Variants in LYST observed in about 807,000 individuals in gnomAD.
LYST encodes the protein lysosomal-trafficking regulator.
In LYST, 192 loss-of-function variants were observed where a neutral mutation model predicts 413.6. That is an observed-to-expected ratio of 0.46 (90% confidence interval 0.41 to 0.52). The LOEUF is 0.52. LYST is among the 20% of genes least tolerant of loss of function. LYST has a pLI of 0.00. For missense variants in LYST, 3,815 were observed against 4,499.9 expected (o/e 0.85, Z 4.35); for synonymous variants, 1,525 against 1,567.3 (o/e 0.97, Z 0.64).
intron 31 of LYST, chr1:235,737,903 G>GCCGCTGCCGACGAGTCTGGATC: frequency 8.7e-7 from 1 of 1,146,834 alleles, no homozygotes; most frequent in African/African-American, 1.6e-5. Flanking sequence ...AGGTGCTGGA[G>GCCGCTGCCGACGAGTCTGGATC]CCGCTGCCGA....
chr1:235,714,860 G>A (rs1662698928), intron 42 of LYST, among the ~76,000 whole-genome samples: 1 of 152,188 alleles, frequency 6.6e-6, no homozygotes, highest in Non-Finnish European at 1.5e-5. Flanking sequence ...TACTGGATTT[G>A]AAATAAGTAT....
chr1:235,765,911 G>C (rs574945763), intron 21 of LYST, among the ~76,000 whole-genome samples, 168 bp downstream of exon 21: 1 of 152,004 alleles, frequency 6.6e-6, no homozygotes, highest in South Asian at 2.1e-4. Context: ...ACTCCTTGAG[G>C]ACAGAGGCCA....
At chr1:235,721,743 C>T (rs183258194) in intron 39 of LYST, among the ~76,000 whole-genome samples, 33 of 152,088 alleles carry the variant, frequency 2.2e-4, no homozygotes, top group African/African-American at 3.4e-4. Context: ...CTAAGGTCCA[C>T]GGAAGGGGAT....
intron 1 of LYST, among the ~76,000 whole-genome samples, chr1:235,864,412 G>C (rs1018077066): frequency 6.6e-5 from 10 of 152,020 alleles, no homozygotes; most frequent in African/African-American, 2.2e-4. Context: ...CTTTCTACTT[G>C]TTCGGAACTA....
chr1:235,687,723 C>A (rs1021956737), intron 47 of LYST, among the ~76,000 whole-genome samples: 9 of 152,132 alleles, frequency 5.9e-5, no homozygotes, highest in African/African-American at 2.2e-4. Context: ...CCACCTCCCC[C>A]ACACTCACTT....
At position 235,759,221 on chromosome 1, in the gene LYST, G is replaced by C. The variant is rs138972355; in HGVS notation, c.6632C>G (p.Pro2211Arg). 323 of 1,614,112 alleles carry C rather than the reference G, an allele frequency of 2.0e-4. 3 individuals are homozygous for C. In the African/African-American group the frequency reaches 4.1e-3, roughly 20 times the overall value. The change falls in exon 23 of 53, where the codon CCC (proline) becomes CGC (arginine). Residue 2211 changes from proline to arginine, a missense_variant. Physicochemically the swap from Pro to Arg is moderately radical, Grantham distance 103. Around this residue, in one of 4 missense-constraint regions of LYST, gnomAD observed 771 missense variants for 837.1 expected, o/e 0.92. Transcript: ENST00000389793. ...CCCAGGACTGTCATCTTCTGACCTG[G>C]GTTCTGCTCCCAACTGTTTATGATC... ...KADHKQLGAEPRSEDDSPGDE... is the reference protein window; with the variant it reads ...KADHKQLGAERRSEDDSPGDE...
At position 235,851,202 on chromosome 1, in the gene LYST, A is replaced by G. The variant is rs974159986; in HGVS notation, c.-98+15641T>C. 7.8e-4 allele frequency among the ~76,000 whole-genome samples: 118 copies of G among 151,504 alleles called. 1 individual carries two copies. The highest frequency in any genetic ancestry group is 2.8e-3 in the African/African-American group (114 of 40,932). On this transcript the variant is annotated intron_variant, in intron 1 of 52. Coordinates refer to ENST00000389793, the MANE Select transcript of LYST (RefSeq NM_000081.4). Reference sequence around the variant, plus strand: ...TATATGTGTGTGTATATATATATATATGATGAAATACAATGCAGCCATAAA... The same window carrying G: ...TATATGTGTGTGTATATATATATATGTGATGAAATACAATGCAGCCATAAA...
intron 3 of LYST, among the ~76,000 whole-genome samples, chr1:235,826,092 T>C (rs1444504381): frequency 6.6e-6 from 1 of 152,190 alleles, no homozygotes; most frequent in Non-Finnish European, 1.5e-5. Context: ...GAGATACTAC[T>C]TCATATTCAC....
chr1:235,730,171 A>AT (rs1376805430), intron 36 of LYST, among the ~76,000 whole-genome samples: 2 of 152,058 alleles, frequency 1.3e-5, no homozygotes, highest in African/African-American at 4.8e-5. Context: ...TTCTTAGCCA[A>AT]TTATCTTCTT....
rs898190061 is a variant in LYST at position 235,662,751 on chromosome 1, A to C, written c.*189T>G. On this transcript the variant is annotated 3_prime_UTR_variant, in exon 53 of 53. Transcript: ENST00000389793. ...ACACAATCTTCCAGATTATCACTAAAATAGAACAGAACTTTCCTCTTAGGA... is the reference window on the plus strand; with the variant it reads ...ACACAATCTTCCAGATTATCACTAACATAGAACAGAACTTTCCTCTTAGGA... 9 of 678,756 alleles carry C rather than the reference A, an allele frequency of 1.3e-5. No individual in the cohort carries two copies. In the African/African-American group the frequency reaches 1.6e-4, roughly 12 times the overall value. 42.0% of individuals were successfully genotyped at this position (678,756 alleles called of 1,614,324 possible).
At position 235,757,179 on chromosome 1, in the gene LYST, AAG is replaced by A. The variant is rs921477768; in HGVS notation, c.7059+100_7059+101del. The A allele has an allele frequency of 9.7e-6, 7 of 720,432 alleles. No homozygotes were observed. The African/African-American group carries it at 1.3e-4, about 13-fold the overall frequency. 44.6% of individuals were successfully genotyped at this position (720,432 alleles called of 1,614,324 possible). On this transcript the variant is annotated intron_variant, in intron 24 of 52. Transcript: ENST00000389793. Reference sequence around the variant, plus strand: ...ATTAGTTCATTATTCTAAAATATAAAAGAGAGATTTAGGTCTACTTTAATGTA... The same window carrying A: ...ATTAGTTCATTATTCTAAAATATAAAAGAGATTTAGGTCTACTTTAATGTA...
At chr1:235,821,791 T>C (rs910887421) in intron 3 of LYST, among the ~76,000 whole-genome samples, 1 of 152,380 alleles carries the variant, frequency 6.6e-6, no homozygotes, top group Non-Finnish European at 1.5e-5. Context: ...AGGATTGGCC[T>C]GTAGGCCGTA....
At chr1:235,853,170 T>C (rs1407809344) in intron 1 of LYST, 1 of 169,384 alleles carries the variant, frequency 5.9e-6, no homozygotes, top group African/African-American at 2.4e-5. Flanking sequence ...GTTTCCACAT[T>C]GTACATTTAT....
At chr1:235,798,827 G>T (rs1671878259) in intron 10 of LYST, among the ~76,000 whole-genome samples, 1 of 152,094 alleles carries the variant, frequency 6.6e-6, no homozygotes, top group Non-Finnish European at 1.5e-5. Context: ...AAGAATCCGT[G>T]CAGGGGAGGG....
intron 13 of LYST, 38 bp downstream of exon 13, chr1:235,788,663 A>G: frequency 6.3e-7 from 1 of 1,592,148 alleles, no homozygotes; most frequent in South Asian, 1.1e-5. Context: ...TTATTTAAAT[A>G]CATTATCTAT....
At chr1:235,726,790 C>T (rs193046342) in intron 38 of LYST, among the ~76,000 whole-genome samples, 1,903 of 151,978 alleles carry the variant, frequency 0.013, 48 homozygotes, top group African/African-American at 0.044. Flanking sequence ...CCAACATATT[C>T]GACAGATGGA....
intron 50 of LYST, among the ~76,000 whole-genome samples, chr1:235,676,346 A>G (rs1003557838): frequency 2.0e-5 from 3 of 152,180 alleles, no homozygotes; most frequent in Non-Finnish European, 4.4e-5. Context: ...AGGCCCTAAC[A>G]TACCAGATCA....
At chr1:235,763,463 C>T (rs1667796198) in intron 21 of LYST, among the ~76,000 whole-genome samples, 1 of 151,942 alleles carries the variant, frequency 6.6e-6, no homozygotes. Context: ...GACTTTTTCC[C>T]TTTTTTTGAG....
intron 1 of LYST, among the ~76,000 whole-genome samples, chr1:235,836,338 T>C (rs1373354720): frequency 1.3e-5 from 2 of 152,124 alleles, no homozygotes; most frequent in Admixed American, 6.5e-5. Context: ...TGGAGACAGA[T>C]GAAAAGCAAA....
Sources: gnomAD v4.1 joint callset for allele counts (sites outside exome capture counted in the v4.1 genomes callset) on GRCh38, gnomAD v4.1.1 for gene constraint, gnomAD v4.1.1 regional missense constraint, MANE v1.5 for transcripts, NCBI Gene and HGNC (gene_info 2026-07-23, HGNC 2026-07-21) for gene names.